SLC45A3: variants seen among roughly 807,000 people sequenced by gnomAD.
The protein encoded by SLC45A3 is prostate cancer associated protein 2.
SLC45A3 carries 17 observed loss-of-function variants against 35.3 expected under a neutral mutation model. The observed-to-expected ratio is 0.48, with a 90% CI of 0.33 to 0.72. The LOEUF (loss-of-function observed/expected upper bound fraction) is 0.72. SLC45A3 is among the 30% of genes least tolerant of loss of function. The pLI is 0.02. For synonymous variants in SLC45A3, 288 were observed against 334.3 expected (o/e 0.86, Z 1.51); for missense variants, 597 against 731.7 (o/e 0.82, Z 2.12).
chr1:205,662,755 C>A lies in SLC45A3; in HGVS notation c.958+78G>T. 6.6e-7 allele frequency: 1 copy of A among 1,505,244 alleles called. No individual in the cohort carries two copies. Among genetic ancestry groups the A allele is most frequent in the South Asian group, 1.4e-5 (1 of 73,270 alleles). 93.2% of individuals were successfully genotyped at this position (1,505,244 alleles called of 1,614,324 possible). ...AAGTCGGGGCCAGGATGGAGAGGCA[C>A]CAGCCCAGACACAGCCCCGAGTGTC... On this transcript the variant is annotated intron_variant, in intron 3 of 4. Coordinates refer to ENST00000367145, the MANE Select transcript of SLC45A3 (RefSeq NM_033102.3). The surrounding 1 kb of genome is among the most constrained non-coding windows in gnomAD (Gnocchi z 6.2).
intron 1 of SLC45A3, among the ~76,000 whole-genome samples, chr1:205,674,752 T>G (rs1001941275): frequency 6.6e-6 from 1 of 152,002 alleles, no homozygotes; most frequent in African/African-American, 2.4e-5. Context: ...GCTCTCATTC[T>G]GTTGCCCAGG....
rs773184214 is a variant in SLC45A3 at position 205,664,698 on chromosome 1, T to C, written c.-42A>G. Reference sequence around the variant, plus strand: ...AGGGCTCAGGGGGCCGTTCAGGCACTCCAGAACTGCTTCGTCTCGGCTCTG... The same window carrying C: ...AGGGCTCAGGGGGCCGTTCAGGCACCCCAGAACTGCTTCGTCTCGGCTCTG... On this transcript the variant is annotated 5_prime_UTR_variant, in exon 2 of 5. Coordinates refer to ENST00000367145, the MANE Select transcript of SLC45A3 (RefSeq NM_033102.3). The surrounding 1 kb of genome is among the most constrained non-coding windows in gnomAD (Gnocchi z 5.3). 27 of 1,598,900 alleles carry C rather than the reference T, an allele frequency of 1.7e-5. No homozygotes were observed. The highest frequency in any genetic ancestry group is 2.3e-5 in the Non-Finnish European group (27 of 1,171,924).
Position 205,661,949 on chromosome 1 carries a change from G to A in SLC45A3, c.1136C>T (p.Thr379Ile). ...GAACCCGGTGAGGGCGGCTGAAGCTGTCACCACGGCCACACTGTGGGACAG... is the reference window on the plus strand; with the variant it reads ...GAACCCGGTGAGGGCGGCTGAAGCTATCACCACGGCCACACTGTGGGACAG... ...TCLSHSVAVVTASAALTGFTF... is the reference protein window; with the variant it reads ...TCLSHSVAVVIASAALTGFTF... The change falls in exon 4 of 5, where the codon ACA becomes ATA. Residue 379 changes from threonine (T) to isoleucine (I), a missense_variant. Coordinates refer to ENST00000367145, the MANE Select transcript of SLC45A3 (RefSeq NM_033102.3). 2 of 1,614,204 alleles carry A rather than the reference G, an allele frequency of 1.2e-6. No individual in the cohort carries two copies. The highest frequency in any genetic ancestry group is 2.2e-5 in the South Asian group (2 of 91,078).
rs756816234 is a variant in SLC45A3 at position 205,659,546 on chromosome 1, G to A, written c.1350C>T (p.Gly450=). ...CGGGTGGAGGTGGGAGCAGGCCACTGCCTCCAGCACCCACGTGTCCATTAG... is the reference window on the plus strand; with the variant it reads ...CGGGTGGAGGTGGGAGCAGGCCACTACCTCCAGCACCCACGTGTCCATTAG... ...PFPNGHVGAG[G]SGLLPPPPAL... is the part of the protein sequence containing the mutation. Residue 450 remains glycine, a synonymous_variant, in exon 5 of 5, where the codon GGC becomes GGT. Coordinates refer to ENST00000367145, the MANE Select transcript of SLC45A3 (RefSeq NM_033102.3). This position sits in a 1 kb window ranked among gnomAD's most constrained non-coding sequence, Gnocchi z 5.8. 6.2e-6 allele frequency: 10 copies of A among 1,606,766 alleles called. No homozygotes were observed. In the Admixed American group the frequency reaches 1.7e-4, roughly 27 times the overall value.
chr1:205,660,238 G>A (rs1455736661), intron 4 of SLC45A3, among the ~76,000 whole-genome samples: 1 of 152,112 alleles, frequency 6.6e-6, no homozygotes, highest in Non-Finnish European at 1.5e-5. Flanking sequence ...CCTTGGGGCA[G>A]GGAGAATCCA....
In SLC45A3 at chr1:205,662,721, C is replaced by T; in HGVS notation, c.958+112G>A. ...GCAGATGGGGTCCATCCCCACTTTCCTGACAGAGAAGTCGGGGCCAGGATG... is the reference window on the plus strand; with the variant it reads ...GCAGATGGGGTCCATCCCCACTTTCTTGACAGAGAAGTCGGGGCCAGGATG... On this transcript the variant is annotated intron_variant, in intron 3 of 4. Coordinates refer to ENST00000367145, the MANE Select transcript of SLC45A3 (RefSeq NM_033102.3). This position sits in a 1 kb window ranked among gnomAD's most constrained non-coding sequence, Gnocchi z 6.2. The T allele has an allele frequency of 6.7e-7, 1 of 1,481,772 alleles. No homozygotes were observed. 91.8% of individuals were successfully genotyped at this position (1,481,772 alleles called of 1,614,324 possible).
chr1:205,667,079 A>G (rs1288458580), intron 1 of SLC45A3, among the ~76,000 whole-genome samples: 1 of 152,194 alleles, frequency 6.6e-6, no homozygotes, highest in Non-Finnish European at 1.5e-5. Flanking sequence ...TGTTTAAAAT[A>G]AATTGCAGGC....
rs372260230 is a variant in SLC45A3, at chr1:205,662,121, G to A, written c.964C>T (p.Arg322Trp). ...AGGAACAGCCCCAGGCTGCCCATCC[G>A]AACGCCTGCAGAGGGAGAGGGGCCA... ...EARRHYDEGV[R>W]MGSLGLFLQC... Residue 322 changes from arginine (R) to tryptophan (W), a missense_variant, in exon 4 of 5, where the codon CGG becomes TGG. By Grantham distance (101) the Arg-to-Trp change is moderately radical. This residue lies in a region of SLC45A3 where 555 missense variants were observed against 664.9 expected (regional missense o/e 0.83). Transcript: ENST00000367145. This position sits in a 1 kb window ranked among gnomAD's most constrained non-coding sequence, Gnocchi z 6.2. 10 of 1,611,776 alleles carry A rather than the reference G, an allele frequency of 6.2e-6. No homozygotes were observed. The highest frequency in any genetic ancestry group is 2.2e-5 in the East Asian group (1 of 44,850).
chr1:205,672,094 T>C (rs753978482), intron 1 of SLC45A3, among the ~76,000 whole-genome samples: 14 of 152,210 alleles, frequency 9.2e-5, no homozygotes, highest in Middle Eastern at 3.4e-3. Context: ...GATATGAAAG[T>C]TCCTGGCGGC....
chr1:205,676,679 C>T (rs948144177), intron 1 of SLC45A3, among the ~76,000 whole-genome samples: 1 of 152,152 alleles, frequency 6.6e-6, no homozygotes, highest in Admixed American at 6.5e-5. Context: ...GACTTCTTCC[C>T]GTGGAGGGGA....
rs549905335 is a variant in SLC45A3 at position 205,666,528 on chromosome 1, A to G, written c.-230-1642T>C. Among the ~76,000 whole-genome samples, 1 of 152,282 alleles carries G rather than the reference A, an allele frequency of 6.6e-6. No individual in the cohort carries two copies. The highest frequency in any genetic ancestry group is 1.9e-4 in the East Asian group (1 of 5,168). ...CCTAAAAAAACATCAGATGGCTATC[A>G]GTCCTGGGTAAGGTCTGTTCACTCC... On this transcript the variant is annotated intron_variant, in intron 1 of 4. Coordinates refer to ENST00000367145, the MANE Select transcript of SLC45A3 (RefSeq NM_033102.3). The surrounding 1 kb of genome is among the most constrained non-coding windows in gnomAD (Gnocchi z 4.1).
At chr1:205,673,708 A>C (rs1671253893) in intron 1 of SLC45A3, among the ~76,000 whole-genome samples, 1 of 152,204 alleles carries the variant, frequency 6.6e-6, no homozygotes, top group South Asian at 2.1e-4. Context: ...GTCTGTGATC[A>C]GTCCCATTTA....
Position 205,662,558 on chromosome 1 carries a change from C to G in SLC45A3, c.958+275G>C. 7.6e-7 allele frequency: 1 copy of G among 1,315,334 alleles called. No individual in the cohort carries two copies. The highest frequency in any genetic ancestry group is 9.7e-7 in the Non-Finnish European group (1 of 1,035,554). 81.5% of individuals were successfully genotyped at this position (1,315,334 alleles called of 1,614,324 possible). A position where few individuals can be genotyped will look rare whatever the true frequency, so the allele number is the denominator to read the frequency against. On this transcript the variant is annotated intron_variant, in intron 3 of 4. Transcript: ENST00000367145. The surrounding 1 kb of genome is among the most constrained non-coding windows in gnomAD (Gnocchi z 6.2). ...CTGAAATCCAGCCTTAACTCCTCCA[C>G]TCCCTCTAGACTTTGAATAAGCTCC... is the stretch of plus-strand genomic sequence containing the variant.
intron 2 of SLC45A3, 32 bp from the exon 3 acceptor site, chr1:205,663,650 C>A: frequency 6.6e-7 from 1 of 1,526,002 alleles, no homozygotes; most frequent in Non-Finnish European, 8.7e-7. Flanking sequence ...GAGTCAATGG[C>A]TGGGACAAGT....
At position 205,664,903 on chromosome 1, in the gene SLC45A3, A is replaced by G; in HGVS notation, c.-230-17T>C. ...ACTCAGATCCTAGAAGGGCGGGGCA[A>G]TCACAAGCACACGGGGTGTTAAGTC... On this transcript the variant is annotated splice_polypyrimidine_tract_variant and intron_variant, in intron 1 of 4. Transcript: ENST00000367145. The surrounding 1 kb of genome is among the most constrained non-coding windows in gnomAD (Gnocchi z 5.3). 1 of 1,348,256 alleles carries G rather than the reference A, an allele frequency of 7.4e-7. No homozygotes were observed. The allele number at this position is 1,348,256 out of a possible 1,614,324, so 83.5% of individuals were successfully genotyped here.
intron 1 of SLC45A3, among the ~76,000 whole-genome samples, chr1:205,673,903 T>A (rs974169229): frequency 2.0e-5 from 3 of 152,184 alleles, no homozygotes; most frequent in Non-Finnish European, 4.4e-5. Flanking sequence ...CCTAAGGGAA[T>A]GTCAGACAGC....
chr1:205,661,782 C>A, intron 4 of SLC45A3, 79 bp downstream of exon 4: 3 of 1,536,058 alleles, frequency 2.0e-6, no homozygotes, highest in Non-Finnish European at 2.6e-6. Context: ...TTGCCAGATA[C>A]CAGGTTCTGA....
intron 1 of SLC45A3, among the ~76,000 whole-genome samples, chr1:205,673,267 C>A (rs768315618): frequency 3.9e-5 from 6 of 152,166 alleles, no homozygotes; most frequent in Non-Finnish European, 7.4e-5. Context: ...CAAGGTGGGG[C>A]AGCAGTACCA....
Position 205,675,412 on chromosome 1 carries a change from G to C in SLC45A3, c.-231+4982C>G, listed in dbSNP as rs12568534. ...AGAGAATAAGGGGTAAGAGACAGGA[G>C]ATCAGACAGAAACTTTGCCTCTGAG... is the stretch of plus-strand genomic sequence containing the variant. On this transcript the variant is annotated intron_variant, in intron 1 of 4. Transcript: ENST00000367145. 9.7e-3 allele frequency among the ~76,000 whole-genome samples: 1,481 copies of C among 152,266 alleles called. 161 individuals carry two copies. In the East Asian group the frequency reaches 0.25, roughly 25 times the overall value.
Sources: gnomAD v4.1 joint callset for allele counts (sites outside exome capture counted in the v4.1 genomes callset) on GRCh38, gnomAD v4.1.1 for gene constraint, gnomAD v4.1.1 regional missense constraint, Gnocchi (gnomAD v3.1) non-coding constraint, MANE v1.5 for transcripts, NCBI Gene and HGNC (gene_info 2026-07-23, HGNC 2026-07-21) for gene names.